The following EPHA10 variants were observed in gnomAD, a reference collection of about 807,000 sequenced individuals.
EPHA10 encodes the protein EPH receptor A10.
EPHA10 carries 120 observed loss-of-function variants against 109.7 expected under a neutral mutation model. The observed-to-expected ratio is 1.09, with a 90% confidence interval of 0.94 to 1.27. The LOEUF is 1.27. EPHA10 is among the 50% of genes most tolerant of loss of function. The pLI is 0.00. For missense variants in EPHA10, 1,396 were observed against 1,411.1 expected (o/e 0.99, Z 0.17); for synonymous variants, 640 against 618.9 (o/e 1.03, Z -0.51).
chr1:37,740,847 C>A (rs1397945147), intron 5 of EPHA10, among the ~76,000 whole-genome samples: 1 of 151,950 alleles, frequency 6.6e-6, no homozygotes, highest in Non-Finnish European at 1.5e-5. Flanking sequence ...GATGCAGGAG[C>A]CATGATAAGG....
At chr1:37,724,807 C>T (rs1645860995) in intron 8 of EPHA10, among the ~76,000 whole-genome samples, 2 of 152,282 alleles carry the variant, frequency 1.3e-5, no homozygotes, top group African/African-American at 4.8e-5. Flanking sequence ...ACCTGCTTCC[C>T]AGCATCTCCG....
intron 15 of EPHA10, chr1:37,719,161 C>A: frequency 1.7e-6 from 1 of 596,024 alleles, no homozygotes; most frequent in Non-Finnish European, 3.0e-6. Context: ...GGGCTATTAC[C>A]ACATCTATTT....
In EPHA10 at chr1:37,754,802, A is replaced by C. The variant is rs117215617; in HGVS notation, c.851-432T>G. Among the ~76,000 whole-genome samples the C allele has an allele frequency of 3.7e-3, 561 of 151,662 alleles. 12 individuals carry two copies. In the East Asian group the frequency reaches 0.057, roughly 15 times the overall value. ...ACTTTATCCTCTTTTTATTTTATTT[A>C]TTTTTTCTTTTTTCTTTTCGAGTCT... On this transcript the variant is annotated intron_variant, in intron 3 of 16. Coordinates refer to ENST00000373048, the MANE Select transcript of EPHA10 (RefSeq NM_001099439.2). The surrounding 1 kb of genome is among the most constrained non-coding windows in gnomAD (Gnocchi z 4.5).
chr1:37,727,055 G>C, intron 8 of EPHA10, 47 bp downstream of exon 8: 2 of 1,475,560 alleles, frequency 1.4e-6, no homozygotes, highest in Non-Finnish European at 1.9e-6. Flanking sequence ...TAATGTGCAC[G>C]GGACATGACC....
rs1309354046 is a variant in EPHA10, at chr1:37,742,198, G to C, written c.1358-6808C>G. Among the ~76,000 whole-genome samples, 3 of 152,220 alleles carry C rather than the reference G, an allele frequency of 2.0e-5. No individual in the cohort carries two copies. In the East Asian group the frequency reaches 5.8e-4, roughly 29 times the overall value. On this transcript the variant is annotated intron_variant, in intron 5 of 16. Transcript: ENST00000373048. ...GGGATGGGAATCAGCCAGCACCCAA[G>C]TGGGGCCAAAGTTACAGCAGATAGT...
chr1:37,729,339 T>C (rs1645943685), intron 7 of EPHA10, among the ~76,000 whole-genome samples: 2 of 152,172 alleles, frequency 1.3e-5, no homozygotes, highest in Admixed American at 1.3e-4. Flanking sequence ...ATTATAAATA[T>C]TTGTTGTTTT....
At chr1:37,731,878 T>C (rs191617994) in intron 6 of EPHA10, among the ~76,000 whole-genome samples, 171 of 152,260 alleles carry the variant, frequency 1.1e-3, no homozygotes, top group Admixed American at 2.1e-3. Flanking sequence ...CGGGGGATGA[T>C]AGGATGAGGG....
intron 8 of EPHA10, 51 bp downstream of exon 8, chr1:37,727,051 G>T: frequency 1.4e-6 from 2 of 1,446,348 alleles, no homozygotes. Flanking sequence ...ACATTAATGT[G>T]CACGGGACAT....
At chr1:37,715,775 T>A (rs935289432), downstream of EPHA10, 2 of 420,504 alleles carry the variant, frequency 4.8e-6, no homozygotes, top group Non-Finnish European at 9.2e-6. Flanking sequence ...GGGCACCCAG[T>A]TCCCCTCGGT....
At chr1:37,761,321 G>A (rs760583248) in intron 3 of EPHA10, 84 bp downstream of exon 3, 8 of 1,553,578 alleles carry the variant, frequency 5.1e-6, no homozygotes, top group Admixed American at 1.8e-5. Context: ...CCCCACACCC[G>A]CCTCTTTCCT....
chr1:37,724,186 G>A (rs1396236434), intron 8 of EPHA10, among the ~76,000 whole-genome samples: 1 of 152,232 alleles, frequency 6.6e-6, no homozygotes, highest in Non-Finnish European at 1.5e-5. Context: ...CGAGTGACAT[G>A]AAGGTGACAG....
In EPHA10 at chr1:37,716,618, C is replaced by G. The variant is rs938596574; in HGVS notation, c.*1754G>C. 12 of 232,552 alleles carry G rather than the reference C, an allele frequency of 5.2e-5. No individual in the cohort carries two copies. The highest frequency in any genetic ancestry group is 2.7e-4 in the African/African-American group (12 of 45,266). The allele number at this position is 232,552 out of a possible 1,614,324, so 14.4% of individuals were successfully genotyped here. A position where few individuals can be genotyped will look rare whatever the true frequency, so the allele number is the denominator to read the frequency against. On this transcript the variant is annotated 3_prime_UTR_variant, in exon 17 of 17. Coordinates refer to ENST00000373048, the MANE Select transcript of EPHA10 (RefSeq NM_001099439.2). Reference sequence around the variant, plus strand: ...GCTGGCAGGGTAAGGCCAAAGGCACCTCTGTGAGTCACTGTCCCCCACCTC... The same window carrying G: ...GCTGGCAGGGTAAGGCCAAAGGCACGTCTGTGAGTCACTGTCCCCCACCTC...
Position 37,754,228 on chromosome 1 carries a change from C to T in EPHA10, c.993G>A (p.Ser331=). Residue 331 remains serine (S), a synonymous_variant, in exon 4 of 17, where the codon TCG becomes TCA. Coordinates refer to ENST00000373048, the MANE Select transcript of EPHA10 (RefSeq NM_001099439.2). This position sits in a 1 kb window ranked among gnomAD's most constrained non-coding sequence, Gnocchi z 4.5. ...SYARSPTDPP[S]ASCTRPPSAP... ...GGGGGGACTCACGGGTGCAGGAAGC[C>T]GAGGGCGGGTCGGTGGGTGAGCGCG... 1 of 1,303,526 alleles carries T rather than the reference C, an allele frequency of 7.7e-7. No homozygotes were observed. The allele number at this position is 1,303,526 out of a possible 1,614,324, so 80.7% of individuals were successfully genotyped here.
At chr1:37,762,685 G>C in intron 2 of EPHA10, 100 bp downstream of exon 2, 1 of 1,093,472 alleles carries the variant, frequency 9.1e-7, no homozygotes, top group South Asian at 2.1e-5. Context: ...CACACACTCT[G>C]AGGAGCACTT....
downstream of EPHA10, among the ~76,000 whole-genome samples, chr1:37,715,501 T>C (rs187297203): frequency 1.3e-5 from 2 of 152,284 alleles, no homozygotes; most frequent in African/African-American, 4.8e-5. Flanking sequence ...TACCCCCATC[T>C]GAATGCTGAT....
chr1:37,733,977 G>A (rs1646029855), intron 6 of EPHA10, among the ~76,000 whole-genome samples: 2 of 152,120 alleles, frequency 1.3e-5, no homozygotes, highest in African/African-American at 4.8e-5. Flanking sequence ...CTCAGTCAGT[G>A]GTACCTCAGA....
Position 37,716,226 on chromosome 1 carries a change from A to T in EPHA10, c.*2146T>A. The stretch of plus-strand genomic sequence containing the variant: ...GCCTGGGACCCAACAGGATTCTGGG[A>T]CCTCACTCCTCAGTGGAGGGGAGAT... On this transcript the variant is annotated 3_prime_UTR_variant, in exon 17 of 17. Transcript: ENST00000373048. 3.5e-6 allele frequency: 1 copy of T among 288,204 alleles called. No individual in the cohort carries two copies. Among genetic ancestry groups the T allele is most frequent in the Non-Finnish European group, 6.6e-6 (1 of 152,464 alleles). 17.9% of individuals were successfully genotyped at this position (288,204 alleles called of 1,614,324 possible).
rs1013762480 is a variant in EPHA10 at position 37,717,748 on chromosome 1, C to G, written c.*624G>C. 2.6e-5 allele frequency: 6 copies of G among 231,238 alleles called. No individual in the cohort carries two copies. The highest frequency in any genetic ancestry group is 5.1e-5 in the Non-Finnish European group (6 of 116,956). 14.3% of individuals were successfully genotyped at this position (231,238 alleles called of 1,614,324 possible). On this transcript the variant is annotated 3_prime_UTR_variant, in exon 17 of 17. Coordinates refer to ENST00000373048, the MANE Select transcript of EPHA10 (RefSeq NM_001099439.2). ...AGGCAGGGGGACACAGAAACCAGAT[C>G]CTGAGTCTAGGGCTCTTGGGTATCA...
intron 3 of EPHA10, among the ~76,000 whole-genome samples, chr1:37,755,116 A>G (rs1056023484): frequency 5.9e-5 from 9 of 152,178 alleles, no homozygotes; most frequent in African/African-American, 2.2e-4. Flanking sequence ...CCTCTTTAAA[A>G]TGAGGGAGCT....
Sources: gnomAD v4.1 joint callset for allele counts (sites outside exome capture counted in the v4.1 genomes callset) on GRCh38, gnomAD v4.1.1 for gene constraint, Gnocchi (gnomAD v3.1) non-coding constraint, MANE v1.5 for transcripts, NCBI Gene and HGNC (gene_info 2026-07-23, HGNC 2026-07-21) for gene names.